Variants in ZNF18 observed in about 807,000 individuals in gnomAD.
The protein encoded by ZNF18 is heart development-specific gene 1 protein.
Under a neutral mutation model 58.1 loss-of-function variants are expected in ZNF18, and 42 were observed. That is an observed-to-expected ratio of 0.72 (90% CI 0.56 to 0.93). The LOEUF (loss-of-function observed/expected upper bound fraction) is 0.93, where lower values mean the gene tolerates loss of function less well. Among genes scored for constraint, ZNF18 ranks in the 40% least tolerant of loss-of-function variants. ZNF18 has a pLI of 0.00. For missense variants in ZNF18, 540 were observed against 644.2 expected, an observed-to-expected ratio of 0.84 and a Z score of 1.75; for synonymous variants, 231 against 239.8, an observed-to-expected ratio of 0.96 and a Z score of 0.34.
At chr17:11,999,274 C>T (rs77667527), upstream of ZNF18, among the ~76,000 whole-genome samples, 1,368 of 152,178 alleles carry the variant, frequency 9.0e-3, 22 homozygotes, top group African/African-American at 0.032. Context: ...AAAATTTTTC[C>T]CAAGAAAAAT....
intron 6 of ZNF18, among the ~76,000 whole-genome samples, chr17:11,981,522 T>C (rs1162784995): frequency 1.5e-5 from 2 of 132,236 alleles, no homozygotes; most frequent in Non-Finnish European, 3.1e-5. Flanking sequence ...GACAGGAACC[T>C]ATAATAGCTT....
chr17:11,998,590 TCCTGTACCTGTCATTATCATAACATGTC>T (rs1968598452), upstream of ZNF18, among the ~76,000 whole-genome samples: 1 of 151,174 alleles, frequency 6.6e-6, no homozygotes, highest in Non-Finnish European at 1.5e-5. Flanking sequence ...TCATAACATG[TCCTGTACCTGTCATTATCATAACATGTC>T]CTGTACCTGT....
chr17:12,019,549 C>T, the ZNF18 span, among the ~76,000 whole-genome samples: 3 of 152,062 alleles, frequency 2.0e-5, no homozygotes, highest in Non-Finnish European at 4.4e-5. Context: ...GGGCAGCCAA[C>T]GAGGCCCATG....
chr17:11,982,139 T>C (rs1967403975), intron 6 of ZNF18, among the ~76,000 whole-genome samples: 1 of 151,670 alleles, frequency 6.6e-6, no homozygotes, highest in African/African-American at 2.4e-5. Flanking sequence ...CAGCAAACCA[T>C]ACTGGCACCC....
At chr17:11,998,891 G>A (rs1968609351), upstream of ZNF18, among the ~76,000 whole-genome samples, 1 of 145,798 alleles carries the variant, frequency 6.9e-6, no homozygotes, top group Non-Finnish European at 1.5e-5. Context: ...GGCCAGGCTG[G>A]TCTCGAACTC....
chr17:12,015,882 G>C, the ZNF18 span, among the ~76,000 whole-genome samples: 5 of 151,942 alleles, frequency 3.3e-5, no homozygotes, highest in African/African-American at 1.2e-4. Flanking sequence ...CCTGGCTCCC[G>C]GGTTCAAGCA....
chr17:12,013,048 T>A, the ZNF18 span, among the ~76,000 whole-genome samples: 1 of 152,070 alleles, frequency 6.6e-6, no homozygotes, highest in Non-Finnish European at 1.5e-5. Flanking sequence ...GCCTCCTGGA[T>A]TCAAGTGATT....
At chr17:11,988,366 C>T (rs181018309) in intron 4 of ZNF18, among the ~76,000 whole-genome samples, 1 of 152,260 alleles carries the variant, frequency 6.6e-6, no homozygotes, top group Admixed American at 6.5e-5. Flanking sequence ...GAAGGGAAAC[C>T]CAGGCTGAGC....
chr17:12,000,161 T>C (rs1185791649), upstream of ZNF18, among the ~76,000 whole-genome samples: 1 of 152,086 alleles, frequency 6.6e-6, no homozygotes, highest in Non-Finnish European at 1.5e-5. Flanking sequence ...CCTCAGGTGA[T>C]CCACCCACCT....
chr17:11,988,331 A>G (rs1232534181), intron 4 of ZNF18, among the ~76,000 whole-genome samples: 1 of 152,222 alleles, frequency 6.6e-6, no homozygotes, highest in Non-Finnish European at 1.5e-5. Flanking sequence ...TACTGCCTAG[A>G]CAGAGGATCC....
At chr17:12,015,282 A>G in the ZNF18 span, among the ~76,000 whole-genome samples, 2 of 152,220 alleles carry the variant, frequency 1.3e-5, no homozygotes, top group African/African-American at 2.4e-5. Flanking sequence ...GTGGTCTCAC[A>G]TAAGACCACA....
Position 11,978,685 on chromosome 17 carries a change from G to C in ZNF18, c.922C>G (p.Leu308Val), listed in dbSNP as rs1967145152. 1 of 1,610,828 alleles carries C rather than the reference G, an allele frequency of 6.2e-7. No individual in the cohort carries two copies. The highest frequency in any genetic ancestry group is 1.3e-5 in the African/African-American group (1 of 74,836). The change falls in exon 7 of 7, where the codon CTC becomes GTC. Residue 308 changes from leucine to valine, a missense_variant. Transcript: ENST00000580306. ...GAAGCTTGACAGGAAGCATGCAGGAGCTCCTGGTCCCTGTGATTCTCCAAA... is the reference window on the plus strand; with the variant it reads ...GAAGCTTGACAGGAAGCATGCAGGACCTCCTGGTCCCTGTGATTCTCCAAA... ...LNLENHRDQELLHASCQASGE... is the reference protein window; with the variant it reads ...LNLENHRDQEVLHASCQASGE...
chr17:11,997,040 T>C (rs1245021692), intron 1 of ZNF18: 1 of 152,344 alleles, frequency 6.6e-6, no homozygotes. Context: ...CCGACTGCAC[T>C]CTGATGAGAG....
chr17:12,010,604 A>T, the ZNF18 span: 1 of 153,464 alleles, frequency 6.5e-6, no homozygotes, highest in South Asian at 2.0e-4. Flanking sequence ...TTTTAGTAGA[A>T]ACGGGGTTTC....
the ZNF18 span, chr17:12,009,322 T>C: frequency 6.6e-6 from 1 of 152,162 alleles, no homozygotes; most frequent in Non-Finnish European, 1.5e-5. Flanking sequence ...AGGACAGCCT[T>C]GGGTTCAAGG....
chr17:12,008,953 A>C, the ZNF18 span, among the ~76,000 whole-genome samples: 1 of 152,250 alleles, frequency 6.6e-6, no homozygotes, highest in Non-Finnish European at 1.5e-5. Flanking sequence ...ACCATGGTCC[A>C]AAATTCGGAG....
intron 4 of ZNF18, among the ~76,000 whole-genome samples, chr17:11,989,158 C>CAA (rs34643808): frequency 1.3e-4 from 15 of 119,954 alleles, no homozygotes; most frequent in African/African-American, 3.1e-4. Context: ...GACCCTGTCT[C>CAA]AAAAAAAAAA....
the ZNF18 span, among the ~76,000 whole-genome samples, chr17:12,014,426 A>G: frequency 1.3e-4 from 20 of 152,368 alleles, no homozygotes; most frequent in African/African-American, 4.3e-4. Context: ...AATGTGATAT[A>G]TCCATACAAT....
chr17:11,991,290 G>C, intron 2 of ZNF18, 127 bp from the exon 3 acceptor site: 3 of 918,184 alleles, frequency 3.3e-6, no homozygotes, highest in Non-Finnish European at 4.8e-6. Context: ...GAGAAAACCA[G>C]CTTTTATTTC....
Sources: allele counts gnomAD v4.1 joint callset (sites outside exome capture counted in the v4.1 genomes callset), GRCh38; gene constraint gnomAD v4.1.1; transcripts MANE v1.5; gene names NCBI Gene and HGNC (gene_info 2026-07-23, HGNC 2026-07-21).